The following MYRF variants were observed in gnomAD, a reference collection of about 807,000 sequenced individuals.
MYRF encodes myelin gene regulatory factor.
Under a neutral mutation model 126.3 loss-of-function variants are expected in MYRF, and 16 were observed. That is an observed-to-expected ratio of 0.13 (90% CI 0.09 to 0.19). The LOEUF is 0.19. MYRF is among the 10% of genes least tolerant of loss of function. The pLI is 1.00. For missense variants in MYRF, 1,104 were observed against 1,547.0 expected (o/e 0.71, Z 4.80); for synonymous variants, 608 against 635.3 (o/e 0.96, Z 0.65).
At position 61,765,973 on chromosome 11, in the gene MYRF, C is replaced by T. The variant is rs1026813520; in HGVS notation, c.150C>T (p.Ile50=). The T allele has an allele frequency of 3.1e-5, 48 of 1,534,190 alleles. No homozygotes were observed. The highest frequency in any genetic ancestry group is 3.8e-5 in the Non-Finnish European group (43 of 1,142,632). ...TTCCCCGCAGCTGCTTCCCTGACAT[C>T]TCTGCTCCAGCCAGCTCGGCCTCCT... ...EDASDLCFPD[I]SAPASSASYS... Residue 50 remains isoleucine (I), a synonymous_variant, in exon 3 of 27, where the codon ATC becomes ATT. Transcript: ENST00000278836.
chr11:61,779,839 C>T lies in MYRF; in HGVS notation c.2248-3C>T. On this transcript the variant is annotated splice_polypyrimidine_tract_variant and splice_region_variant and intron_variant, in intron 16 of 26. Transcript: ENST00000278836. Reference sequence around the variant, plus strand: ...CATTTGCACTTTTCCTCTTGGTCCTCAGTCATCGTCCGTGGTTCCGGACCA... The same window carrying T: ...CATTTGCACTTTTCCTCTTGGTCCTTAGTCATCGTCCGTGGTTCCGGACCA... 1 of 1,613,436 alleles carries T rather than the reference C, an allele frequency of 6.2e-7. No homozygotes were observed.
intron 22 of MYRF, 190 bp downstream of exon 22, chr11:61,782,014 A>C: frequency 7.0e-6 from 4 of 572,996 alleles, no homozygotes; most frequent in South Asian, 4.5e-5. Flanking sequence ...TCCTCACAGC[A>C]CTCCTGCAAG....
At position 61,757,640 on chromosome 11, in the gene MYRF, C is replaced by T. The variant is rs2065796617; in HGVS notation, c.46+4850C>T. The T allele has an allele frequency of 2.3e-6, 1 of 436,060 alleles. No individual in the cohort carries two copies. The highest frequency in any genetic ancestry group is 4.6e-6 in the Non-Finnish European group (1 of 215,584). 27.0% of individuals were successfully genotyped at this position (436,060 alleles called of 1,614,324 possible). ...GGTCCCTGGCACATCCAGTGGGGCC[C>T]GCCCCACCTCCCCCTCTGAGATTTG... On this transcript the variant is annotated intron_variant, in intron 1 of 26. Coordinates refer to ENST00000278836, the MANE Select transcript of MYRF (RefSeq NM_001127392.3). This position sits in a 1 kb window ranked among gnomAD's most constrained non-coding sequence, Gnocchi z 4.7.
At position 61,777,726 on chromosome 11, in the gene MYRF, C is replaced by G. The variant is rs1441395444; in HGVS notation, c.1792-8C>G. 1 of 1,549,162 alleles carries G rather than the reference C, an allele frequency of 6.5e-7. No individual in the cohort carries two copies. The highest frequency in any genetic ancestry group is 8.7e-7 in the Non-Finnish European group (1 of 1,145,180). ...GAGGGGTTCATTCCCGGGCCTGGCTCCCCGCAGGTGGACACCACCGAGCAA... is the reference window on the plus strand; with the variant it reads ...GAGGGGTTCATTCCCGGGCCTGGCTGCCCGCAGGTGGACACCACCGAGCAA... On this transcript the variant is annotated splice_region_variant and splice_polypyrimidine_tract_variant and intron_variant, in intron 12 of 26. Transcript: ENST00000278836. The surrounding 1 kb of genome is among the most constrained non-coding windows in gnomAD (Gnocchi z 8.8).
Position 61,784,016 on chromosome 11 carries a change from G to A in MYRF, c.3194+91G>A, listed in dbSNP as rs971660103. ...AGAACAGCCGAGTCTGAGGACAGCC[G>A]GAGAGTCTCTGGTATTTCCTGCATG... On this transcript the variant is annotated intron_variant, in intron 24 of 26. Coordinates refer to ENST00000278836, the MANE Select transcript of MYRF (RefSeq NM_001127392.3). 6.0e-5 allele frequency: 85 copies of A among 1,420,556 alleles called. No homozygotes were observed. The Admixed American group carries it at 6.1e-4, about 10-fold the overall frequency. 88.0% of individuals were successfully genotyped at this position (1,420,556 alleles called of 1,614,324 possible). A position where few individuals can be genotyped will look rare whatever the true frequency, so the allele number is the denominator to read the frequency against.
chr11:61,784,626 G>A, intron 25 of MYRF: 1 of 519,614 alleles, frequency 1.9e-6, no homozygotes, highest in Non-Finnish European at 3.5e-6. Context: ...GGGGAAGACA[G>A]CAGATCACAG....
chr11:61,784,331 A>G lies in MYRF; in HGVS notation c.3246A>G (p.Glu1082=). 1 of 1,613,646 alleles carries G rather than the reference A, an allele frequency of 6.2e-7. No individual in the cohort carries two copies. The highest frequency in any genetic ancestry group is 8.5e-7 in the Non-Finnish European group (1 of 1,179,910). Residue 1082 remains glutamate, a synonymous_variant, in exon 25 of 27, where the codon GAA becomes GAG. Coordinates refer to ENST00000278836, the MANE Select transcript of MYRF (RefSeq NM_001127392.3). ...TGTGCAGCCTGAGGTCAAAGGAGGA[A>G]CCATGTGAGGAGGGGAGCCTTCCAC... ...VVLCSLRSKE[E]PCEEGSLPQS... is the part of the protein sequence containing the mutation.
At chr11:61,761,927 C>T (rs1048938197) in intron 1 of MYRF, among the ~76,000 whole-genome samples, 24 of 152,240 alleles carry the variant, frequency 1.6e-4, no homozygotes, top group South Asian at 6.2e-4. Context: ...GGGTGGTGGG[C>T]GGGTGGTGGA....
chr11:61,755,644 A>C (rs1253988443), intron 1 of MYRF: 1 of 729,770 alleles, frequency 1.4e-6, no homozygotes, highest in African/African-American at 1.7e-5. Flanking sequence ...CCTGCAAGAC[A>C]GGAGGGGGTG....
In MYRF at chr11:61,777,765, C is replaced by T; in HGVS notation, c.1823C>T (p.Ser608Leu). ...VDTTEQLKRI[S>L]RMRLVHYRYK... ...ACCACCGAGCAATTGAAGAGGATCT[C>T]GCGCATGCGGCTGGTGCACTACAGA... The change falls in exon 13 of 27, where the codon TCG becomes TTG. Residue 608 changes from serine to leucine, a missense_variant. Around this residue, in one of 10 missense-constraint regions of MYRF, gnomAD observed 123 missense variants for 209.1 expected, o/e 0.59. Transcript: ENST00000278836. This position sits in a 1 kb window ranked among gnomAD's most constrained non-coding sequence, Gnocchi z 8.8. The T allele has an allele frequency of 6.4e-7, 1 of 1,551,962 alleles. No individual in the cohort carries two copies. Among genetic ancestry groups the T allele is most frequent in the South Asian group, 1.2e-5 (1 of 84,080 alleles).
At chr11:61,761,266 G>GGA (rs1555053575) in intron 1 of MYRF, among the ~76,000 whole-genome samples, 3 of 151,414 alleles carry the variant, frequency 2.0e-5, no homozygotes. Context: ...TGGTGGGGGG[G>GGA]GGGGCACATA....
chr11:61,757,446 G>A lies in MYRF; in HGVS notation c.46+4656G>A, dbSNP rs1463547186. 2.2e-6 allele frequency: 1 copy of A among 454,272 alleles called. No homozygotes were observed. Among genetic ancestry groups the A allele is most frequent in the African/African-American group, 2.0e-5 (1 of 50,030 alleles). 28.1% of individuals were successfully genotyped at this position (454,272 alleles called of 1,614,324 possible). On this transcript the variant is annotated intron_variant, in intron 1 of 26. Transcript: ENST00000278836. This position sits in a 1 kb window ranked among gnomAD's most constrained non-coding sequence, Gnocchi z 4.7. ...GATTAGGTAAGATTGTGCCTGGCCT[G>A]GTGAACACTCCATTGGTCCATGGCA...
intron 1 of MYRF, among the ~76,000 whole-genome samples, chr11:61,763,260 G>C (rs1269590230): frequency 6.6e-6 from 1 of 152,208 alleles, no homozygotes; most frequent in Non-Finnish European, 1.5e-5. Context: ...CCTTGGGTAA[G>C]AGACTTGACC....
intron 1 of MYRF, among the ~76,000 whole-genome samples, chr11:61,762,867 C>T (rs947583816): frequency 1.3e-5 from 2 of 152,180 alleles, no homozygotes; most frequent in Non-Finnish European, 2.9e-5. Context: ...CCGCCTCCTT[C>T]CTCCATCCTC....
chr11:61,777,766 G>T lies in MYRF; in HGVS notation c.1824G>T (p.Ser608=). 1 of 1,551,980 alleles carries T rather than the reference G, an allele frequency of 6.4e-7. No individual in the cohort carries two copies. The highest frequency in any genetic ancestry group is 8.7e-7 in the Non-Finnish European group (1 of 1,147,160). ...VDTTEQLKRI[S]RMRLVHYRYK... ...CCACCGAGCAATTGAAGAGGATCTC[G>T]CGCATGCGGCTGGTGCACTACAGAT... The change falls in exon 13 of 27, where the codon TCG becomes TCT. Residue 608 remains serine, a synonymous_variant. Transcript: ENST00000278836. This position sits in a 1 kb window ranked among gnomAD's most constrained non-coding sequence, Gnocchi z 8.8.
chr11:61,779,359 C>T lies in MYRF; in HGVS notation c.2110C>T (p.His704Tyr), dbSNP rs1219031367. Reference sequence around the variant, plus strand: ...CATTGATGAGCTGGAGCGCTGGAGCCACAAGCTGGCCAAGCTGCGGCGGCT... The same window carrying T: ...CATTGATGAGCTGGAGCGCTGGAGCTACAAGCTGGCCAAGCTGCGGCGGCT... ...TRIDELERWSHKLAKLRRLDS... is the reference protein window; with the variant it reads ...TRIDELERWSYKLAKLRRLDS... Residue 704 changes from histidine to tyrosine, a missense_variant, in exon 15 of 27, where the codon CAC becomes TAC. Physicochemically the swap from His to Tyr is moderately conservative, Grantham distance 83 (BLOSUM62 2). Around this residue, in one of 10 missense-constraint regions of MYRF, gnomAD observed 123 missense variants for 209.1 expected, o/e 0.59. Transcript: ENST00000278836. 4 of 1,551,368 alleles carry T rather than the reference C, an allele frequency of 2.6e-6. No individual in the cohort carries two copies. Among genetic ancestry groups the T allele is most frequent in the Non-Finnish European group, 3.5e-6 (4 of 1,146,928 alleles).
intron 3 of MYRF, among the ~76,000 whole-genome samples, chr11:61,768,032 C>A (rs1347738141): frequency 6.7e-6 from 1 of 150,054 alleles, no homozygotes; most frequent in East Asian, 2.0e-4. Context: ...GCACAAGAAT[C>A]GTTTGAACCT....
chr11:61,781,835 C>T lies in MYRF; in HGVS notation c.3016+11C>T, dbSNP rs1308936615. 1.3e-6 allele frequency: 2 copies of T among 1,525,414 alleles called. No individual in the cohort carries two copies. Among genetic ancestry groups the T allele is most frequent in the South Asian group, 2.6e-5 (2 of 77,916 alleles). The allele number at this position is 1,525,414 out of a possible 1,614,324, so 94.5% of individuals were successfully genotyped here. On this transcript the variant is annotated intron_variant, in intron 22 of 26. Coordinates refer to ENST00000278836, the MANE Select transcript of MYRF (RefSeq NM_001127392.3). ...CCCAGGGCCAGTCAGGTACTTGCTG[C>T]ACCCCTGACACTACCCAGCCCAGCC...
At chr11:61,779,448 T>C in intron 15 of MYRF, 25 bp downstream of exon 15, 1 of 1,548,802 alleles carries the variant, frequency 6.5e-7, no homozygotes, top group Non-Finnish European at 8.7e-7. Context: ...TGGGGGAAGG[T>C]GAGACCCTTC....
Sources: gnomAD v4.1 joint callset for allele counts (sites outside exome capture counted in the v4.1 genomes callset) on GRCh38, gnomAD v4.1.1 for gene constraint, gnomAD v4.1.1 regional missense constraint, Gnocchi (gnomAD v3.1) non-coding constraint, MANE v1.5 for transcripts, NCBI Gene and HGNC (gene_info 2026-07-23, HGNC 2026-07-21) for gene names.